EPHA6: variants seen among roughly 807,000 people sequenced by gnomAD.
EPHA6 encodes the protein ephrin type-A receptor 6.
A neutral mutation model predicts 112.0 loss-of-function variants in EPHA6; 50 were observed. That is an observed-to-expected ratio of 0.45 (90% confidence interval 0.36 to 0.56). EPHA6 has a LOEUF of 0.56. EPHA6 is among the 20% of genes least tolerant of loss of function. EPHA6 has a pLI of 0.00. For synonymous variants in EPHA6, 529 were observed against 490.7 expected (o/e 1.08, Z -1.03); for missense variants, 1,280 against 1,417.4 (o/e 0.90, Z 1.56).
rs566686783 is a variant in EPHA6 at position 97,327,117 on chromosome 3, G to C, written c.1607-78033G>C. Among the ~76,000 whole-genome samples the C allele has an allele frequency of 5.3e-5, 8 of 151,928 alleles. No individual in the cohort carries two copies. The South Asian group carries it at 1.5e-3, about 28-fold the overall frequency. On this transcript the variant is annotated intron_variant, in intron 5 of 17. Transcript: ENST00000389672. ...TTAAACCTTGTCATGTTTAAATTCAGCTCTATTTTGAATTAAACAGGAATG... is the reference window on the plus strand; with the variant it reads ...TTAAACCTTGTCATGTTTAAATTCACCTCTATTTTGAATTAAACAGGAATG...
At chr3:97,087,726 G>A (rs1218554311) in intron 3 of EPHA6, among the ~76,000 whole-genome samples, 1 of 152,056 alleles carries the variant, frequency 6.6e-6, no homozygotes, top group Non-Finnish European at 1.5e-5. Context: ...ACTTTCCTCT[G>A]TCCATTCCTG....
chr3:96,905,881 G>T (rs528399139), intron 2 of EPHA6, among the ~76,000 whole-genome samples: 1 of 151,956 alleles, frequency 6.6e-6, no homozygotes, highest in Non-Finnish European at 1.5e-5. Flanking sequence ...CATAATTTAA[G>T]ATTCTTAAAT....
chr3:97,317,365 A>G (rs559634743), intron 5 of EPHA6, among the ~76,000 whole-genome samples: 88 of 152,104 alleles, frequency 5.8e-4, no homozygotes, highest in African/African-American at 2.1e-3. Context: ...TTTTGCCCTG[A>G]TGTGTAACCC....
At chr3:97,075,548 A>G (rs1256026045) in intron 3 of EPHA6, among the ~76,000 whole-genome samples, 1 of 152,080 alleles carries the variant, frequency 6.6e-6, no homozygotes, top group Non-Finnish European at 1.5e-5. Context: ...GATATGTATC[A>G]TTATGAGAAA....
chr3:96,999,309 T>A (rs1331107083), intron 3 of EPHA6, among the ~76,000 whole-genome samples: 1 of 151,944 alleles, frequency 6.6e-6, no homozygotes, highest in Admixed American at 6.6e-5. Flanking sequence ...CTAATAAATT[T>A]CCCAAAGAAT....
chr3:97,660,542 CA>C lies in EPHA6; in HGVS notation c.2784+22463del, dbSNP rs564085172. Among the ~76,000 whole-genome samples, 441 of 152,116 alleles carry C rather than the reference CA, an allele frequency of 2.9e-3. 2 individuals are homozygous for C. The highest frequency in any genetic ancestry group is 9.7e-3 in the African/African-American group (404 of 41,524). ...GAGGCGGGGCACAATTTACAAGAGA[CA>C]AACAAGAATGGAATACAAATGTGGC... On this transcript the variant is annotated intron_variant, in intron 14 of 17. Coordinates refer to ENST00000389672, the MANE Select transcript of EPHA6 (RefSeq NM_001080448.3).
At chr3:97,482,368 A>G (rs2091577439) in intron 9 of EPHA6, among the ~76,000 whole-genome samples, 1 of 152,224 alleles carries the variant, frequency 6.6e-6, no homozygotes, top group Non-Finnish European at 1.5e-5. Context: ...AAATTCTACT[A>G]AGTTGTTATG....
intron 14 of EPHA6, among the ~76,000 whole-genome samples, chr3:97,679,165 A>T (rs1187030758): frequency 6.6e-6 from 1 of 152,082 alleles, no homozygotes; most frequent in Non-Finnish European, 1.5e-5. Flanking sequence ...CTTTAGATGA[A>T]TTTTTGATCT....
chr3:97,759,707 G>GTT lies in EPHA6; in HGVS notation c.*11014_*11015dup. On this transcript the variant is annotated 3_prime_UTR_variant, in exon 18 of 18. Coordinates refer to ENST00000389672, the MANE Select transcript of EPHA6 (RefSeq NM_001080448.3). ...GAAAGGGAAGGATGTCACTACGTAA[G>GTT]TTTTTTTTTAATTTTACCAAGAATG... The GTT allele has an allele frequency of 4.4e-6, 1 of 226,138 alleles. No individual in the cohort carries two copies. The highest frequency in any genetic ancestry group is 1.8e-4 in the South Asian group (1 of 5,448). 14.0% of individuals were successfully genotyped at this position (226,138 alleles called of 1,614,324 possible).
At chr3:97,587,021 T>A (rs1194354038) in intron 11 of EPHA6, among the ~76,000 whole-genome samples, 1 of 152,140 alleles carries the variant, frequency 6.6e-6, no homozygotes, top group African/African-American at 2.4e-5. Flanking sequence ...GGTGGGCGGA[T>A]CACCTGAGGT....
chr3:97,002,625 G>A (rs2107909186), intron 3 of EPHA6, among the ~76,000 whole-genome samples: 1 of 151,736 alleles, frequency 6.6e-6, no homozygotes, highest in South Asian at 2.1e-4. Context: ...AGATTCTGTT[G>A]AATGCTATGA....
intron 2 of EPHA6, among the ~76,000 whole-genome samples, chr3:96,938,790 C>A (rs569732454): frequency 6.6e-6 from 1 of 151,992 alleles, no homozygotes; most frequent in Admixed American, 6.6e-5. Context: ...CCCATCAATA[C>A]CTAATTTATT....
intron 2 of EPHA6, among the ~76,000 whole-genome samples, chr3:96,955,295 T>A (rs7644340): frequency 3.2e-4 from 49 of 152,322 alleles, no homozygotes; most frequent in Non-Finnish European, 6.8e-4. Flanking sequence ...GTTTTTTGTC[T>A]ATGGACATAT....
At chr3:97,316,300 G>A (rs1416570749) in intron 5 of EPHA6, among the ~76,000 whole-genome samples, 3 of 151,694 alleles carry the variant, frequency 2.0e-5, no homozygotes, top group Admixed American at 6.6e-5. Flanking sequence ...TTGGCAATTG[G>A]CAACTTTTAT....
chr3:96,882,199 T>G lies in EPHA6; in HGVS notation c.450+15310T>G, dbSNP rs749513712. Among the ~76,000 whole-genome samples, 122 of 152,268 alleles carry G rather than the reference T, an allele frequency of 8.0e-4. 1 individual carries two copies. The highest frequency in any genetic ancestry group is 7.4e-4 in the Non-Finnish European group (50 of 68,016). Reference sequence around the variant, plus strand: ...CATTTCCCTTCCGCACTTTAAGATTTGACTGCCCTGCTGGATTCCCTTCCA... The same window carrying G: ...CATTTCCCTTCCGCACTTTAAGATTGGACTGCCCTGCTGGATTCCCTTCCA... On this transcript the variant is annotated intron_variant, in intron 2 of 17. Transcript: ENST00000389672.
chr3:97,704,701 AT>A (rs201301041), intron 14 of EPHA6, among the ~76,000 whole-genome samples: 2,774 of 152,216 alleles, frequency 0.018, 38 homozygotes, highest in Middle Eastern at 0.044. Flanking sequence ...CAAAAAGACA[AT>A]TTTTCTAAAT....
chr3:96,954,197 C>G (rs2041666532), intron 2 of EPHA6, among the ~76,000 whole-genome samples: 1 of 152,074 alleles, frequency 6.6e-6, no homozygotes, highest in Non-Finnish European at 1.5e-5. Flanking sequence ...TAACCGCTGT[C>G]CCTTCCTCAC....
chr3:96,961,072 G>A (rs189549293), intron 2 of EPHA6, among the ~76,000 whole-genome samples: 19 of 152,262 alleles, frequency 1.2e-4, no homozygotes, highest in Non-Finnish European at 1.9e-4. Flanking sequence ...GACTGTAATG[G>A]TTGACCTAGA....
intron 3 of EPHA6, among the ~76,000 whole-genome samples, chr3:97,001,195 T>C (rs553169457): frequency 6.6e-6 from 1 of 151,920 alleles, no homozygotes; most frequent in African/African-American, 2.4e-5. Context: ...TATTTTCATA[T>C]AGAAACTAAA....
Sources: gnomAD v4.1 joint callset for allele counts (sites outside exome capture counted in the v4.1 genomes callset) on GRCh38, gnomAD v4.1.1 for gene constraint, MANE v1.5 for transcripts, NCBI Gene and HGNC (gene_info 2026-07-23, HGNC 2026-07-21) for gene names.